Variants in COL12A1 observed in about 807,000 individuals in gnomAD.
COL12A1 encodes the protein collagen type XII alpha 1 chain.
In COL12A1, 114 loss-of-function variants were observed where a neutral mutation model predicts 349.7. The ratio of observed to expected loss-of-function variants is 0.33; its 90% CI spans 0.28 to 0.38. COL12A1 has a LOEUF of 0.38. COL12A1 is among the 10% of genes least tolerant of loss of function. The pLI is 1.00. For synonymous variants in COL12A1, 1,369 were observed against 1,329.0 expected (o/e 1.03, Z -0.66); for missense variants, 3,284 against 3,756.9 (o/e 0.87, Z 3.29).
intron 43 of COL12A1, among the ~76,000 whole-genome samples, chr6:75,122,121 G>A (rs1167677696): frequency 3.3e-5 from 5 of 152,116 alleles, no homozygotes; most frequent in African/African-American, 7.2e-5. Context: ...GATTACAGGC[G>A]TGAGCCACCG....
At chr6:75,142,254 T>A (rs1562210463) in intron 26 of COL12A1, 93 bp from the exon 27 acceptor site, 2 of 1,439,534 alleles carry the variant, frequency 1.4e-6, no homozygotes, top group South Asian at 2.5e-5. Flanking sequence ...CGTAAGAATA[T>A]AAAATTGTGA....
rs192464709 is a variant in COL12A1 at position 75,145,555 on chromosome 6, T to A, written c.4561-100A>T. On this transcript the variant is annotated intron_variant, in intron 24 of 65. Coordinates refer to ENST00000322507, the MANE Select transcript of COL12A1 (RefSeq NM_004370.6). ...GAAGTTTATTTGTACTAGATTATAA[T>A]ACAGCTTGTATTTTTCATTTATAAG... 8 of 1,156,706 alleles carry A rather than the reference T, an allele frequency of 6.9e-6. No homozygotes were observed. The East Asian group carries it at 2.1e-4, about 31-fold the overall frequency. 71.7% of individuals were successfully genotyped at this position (1,156,706 alleles called of 1,614,324 possible).
At chr6:75,123,837 A>G (rs1765870164) in intron 42 of COL12A1, 111 bp downstream of exon 42, 1 of 1,135,556 alleles carries the variant, frequency 8.8e-7, no homozygotes, top group East Asian at 2.5e-5. Context: ...TCCCATCATT[A>G]TTGCTACCCC....
In COL12A1 at chr6:75,147,559, A is replaced by G. The variant is rs897432010; in HGVS notation, c.4417+116T>C. On this transcript the variant is annotated intron_variant, in intron 23 of 65. Coordinates refer to ENST00000322507, the MANE Select transcript of COL12A1 (RefSeq NM_004370.6). The stretch of plus-strand genomic sequence containing the variant: ...CCTGCACAAAGATGACACTCAGTAA[A>G]TATTTATAGAATGAATGTTAAATAA... 9.6e-6 allele frequency: 10 copies of G among 1,043,452 alleles called. No homozygotes were observed. The East Asian group carries it at 1.8e-4, about 19-fold the overall frequency. 64.6% of individuals were successfully genotyped at this position (1,043,452 alleles called of 1,614,324 possible).
chr6:75,106,905 T>C lies in COL12A1; in HGVS notation c.8101-409A>G, dbSNP rs112649872. Among the ~76,000 whole-genome samples the C allele has an allele frequency of 7.5e-3, 1,070 of 141,986 alleles. 8 individuals carry two copies. Among genetic ancestry groups the C allele is most frequent in the African/African-American group, 0.026 (997 of 38,236 alleles). The allele number at this position is 141,986 out of a possible 152,430, so 93.1% of individuals were successfully genotyped here. The stretch of plus-strand genomic sequence containing the variant: ...TTTTTTCTTTTTTCTTTTTCTTTTT[T>C]TTTTTTTTTTTTTTGAGACAGAGTC... On this transcript the variant is annotated intron_variant, in intron 52 of 65. Coordinates refer to ENST00000322507, the MANE Select transcript of COL12A1 (RefSeq NM_004370.6).
chr6:75,151,625 A>G (rs1767489069), intron 20 of COL12A1, among the ~76,000 whole-genome samples: 1 of 152,160 alleles, frequency 6.6e-6, no homozygotes, highest in East Asian at 1.9e-4. Flanking sequence ...AGTTTTTATG[A>G]ATCCTATTAA....
chr6:75,205,582 C>T (rs1770739465), intron 1 of COL12A1, among the ~76,000 whole-genome samples, 195 bp downstream of exon 1: 1 of 152,160 alleles, frequency 6.6e-6, no homozygotes, highest in African/African-American at 2.4e-5. Context: ...ATTCCCCTCT[C>T]CCTCAAAAAC....
At chr6:75,114,242 G>A (rs1277796201) in intron 49 of COL12A1, among the ~76,000 whole-genome samples, 3 of 151,686 alleles carry the variant, frequency 2.0e-5, no homozygotes, top group African/African-American at 7.3e-5. Flanking sequence ...CTCCCTATCA[G>A]TAATACTTTT....
At position 75,175,146 on chromosome 6, in the gene COL12A1, T is replaced by C; in HGVS notation, c.2602A>G (p.Thr868Ala). The stretch of plus-strand genomic sequence containing the variant: ...CCTTCCTTCAATCCCTGCAGCACCG[T>C]ATTGGTTGTATCTCCCCTCACAGTG... ...EVTVRGDTTN[T>A]VLQGLKEGTQ... Residue 868 changes from threonine to alanine, a missense_variant, in exon 13 of 66, where the codon ACG (threonine) becomes GCG (alanine). By Grantham distance (58) the Thr-to-Ala change is moderately conservative. This residue lies in a region of COL12A1 where 2,601 missense variants were observed against 2,824.8 expected (regional missense o/e 0.92). Transcript: ENST00000322507. The C allele has an allele frequency of 6.2e-7, 1 of 1,614,074 alleles. No homozygotes were observed. Among genetic ancestry groups the C allele is most frequent in the Non-Finnish European group, 8.5e-7 (1 of 1,180,002 alleles).
rs1010165447 is a variant in COL12A1 at position 75,084,889 on chromosome 6, G to A, written c.*1658C>T. The A allele has an allele frequency of 1.0e-5, 2 of 195,280 alleles. No homozygotes were observed. Among genetic ancestry groups the A allele is most frequent in the Admixed American group, 1.0e-4 (2 of 19,400 alleles). 12.1% of individuals were successfully genotyped at this position (195,280 alleles called of 1,614,324 possible). A position where few individuals can be genotyped will look rare whatever the true frequency, so the allele number is the denominator to read the frequency against. ...TCCAGGACTTAACTGCTTAACCTAA[G>A]AGTTTCACTGAGGCTGCCCGCTGTG... On this transcript the variant is annotated 3_prime_UTR_variant, in exon 66 of 66. Transcript: ENST00000322507.
chr6:75,121,621 A>G (rs541048171), intron 43 of COL12A1, among the ~76,000 whole-genome samples, 180 bp from the exon 44 acceptor site: 3 of 152,244 alleles, frequency 2.0e-5, no homozygotes, highest in African/African-American at 7.2e-5. Flanking sequence ...GACTTCCTGA[A>G]TCAGTACCAG....
At chr6:75,138,363 A>G in intron 29 of COL12A1, 23 bp from the exon 30 acceptor site, 1 of 1,610,618 alleles carries the variant, frequency 6.2e-7, no homozygotes. Context: ...AGAATTTGGG[A>G]ACACATTACT....
In COL12A1 at chr6:75,138,508, T is replaced by C; in HGVS notation, c.5170A>G (p.Ile1724Val). The part of the protein sequence containing the change: ...LNPNTIYEVS[I>V]TAIYPDESES... Reference sequence around the variant, plus strand: ...GACTCATCAGGATAGATGGCAGTAATGGAAACTTCATAGATGGTGTTGGGG... The same window carrying C: ...GACTCATCAGGATAGATGGCAGTAACGGAAACTTCATAGATGGTGTTGGGG... Residue 1724 changes from isoleucine to valine, a missense_variant, in exon 29 of 66, where the codon ATT (isoleucine) becomes GTT (valine). Transcript: ENST00000322507. The C allele has an allele frequency of 6.2e-7, 1 of 1,614,108 alleles. No homozygotes were observed. Among genetic ancestry groups the C allele is most frequent in the East Asian group, 2.2e-5 (1 of 44,862 alleles).
Position 75,117,549 on chromosome 6 carries a change from G to T in COL12A1, c.7355-3C>A. The T allele has an allele frequency of 6.2e-7, 1 of 1,610,722 alleles. No homozygotes were observed. Among genetic ancestry groups the T allele is most frequent in the Non-Finnish European group, 8.5e-7 (1 of 1,177,528 alleles). ...ACCAACTACAAAGACACTGAACCCT[G>T]CAAAGTAGCATTTATAGAATGAATC... On this transcript the variant is annotated splice_region_variant and splice_polypyrimidine_tract_variant and intron_variant, in intron 46 of 65. Coordinates refer to ENST00000322507, the MANE Select transcript of COL12A1 (RefSeq NM_004370.6).
rs559429927 is a variant in COL12A1 at position 75,157,135 on chromosome 6, T to C, written c.2984-612A>G. Reference sequence around the variant, plus strand: ...CTGTAAATAGTGTTTGCTTAATATGTAATCAATAATATGTAATTATTAAAT... The same window carrying C: ...CTGTAAATAGTGTTTGCTTAATATGCAATCAATAATATGTAATTATTAAAT... On this transcript the variant is annotated intron_variant, in intron 14 of 65. Transcript: ENST00000322507. 8.5e-5 allele frequency among the ~76,000 whole-genome samples: 13 copies of C among 152,292 alleles called. 2 individuals carry two copies. In the South Asian group the frequency reaches 2.7e-3, roughly 32 times the overall value.
Position 75,138,878 on chromosome 6 carries a change from C to T in COL12A1, c.5041G>A (p.Asp1681Asn). The T allele has an allele frequency of 3.1e-6, 5 of 1,614,124 alleles. No individual in the cohort carries two copies. Among genetic ancestry groups the T allele is most frequent in the Non-Finnish European group, 4.2e-6 (5 of 1,179,970 alleles). ...FRGTWDHGAS[D>N]VSLYRITWAP... ...CAAGTTATTCTGTAGAGAGACACAT[C>T]TGAAGCTCCATGATCCCAAGTCCCT... Residue 1681 changes from aspartate (D) to asparagine (N), a missense_variant, in exon 28 of 66, where the codon GAT (aspartate) becomes AAT (asparagine). Transcript: ENST00000322507.
intron 15 of COL12A1, 137 bp from the exon 16 acceptor site, chr6:75,155,991 G>A: frequency 2.0e-6 from 2 of 978,616 alleles, no homozygotes; most frequent in Non-Finnish European, 2.9e-6. Flanking sequence ...TTCCATAGAA[G>A]TCCAGATAAC....
At position 75,174,888 on chromosome 6, in the gene COL12A1, A is replaced by G. The variant is rs896391591; in HGVS notation, c.2710+150T>C. On this transcript the variant is annotated intron_variant, in intron 13 of 65. Transcript: ENST00000322507. ...CATTCTACATCTCTGAATAACAGAG[A>G]GCTTTATGGTTATTTGTTTTTCAAT... 2.7e-5 allele frequency: 25 copies of G among 915,222 alleles called. No homozygotes were observed. In the African/African-American group the frequency reaches 4.2e-4, roughly 15 times the overall value. 56.7% of individuals were successfully genotyped at this position (915,222 alleles called of 1,614,324 possible). A position where few individuals can be genotyped will look rare whatever the true frequency, so the allele number is the denominator to read the frequency against.
At position 75,125,128 on chromosome 6, in the gene COL12A1, T is replaced by A; in HGVS notation, c.6606A>T (p.Thr2202=). ...LSVPLTDQGT[T]LYLNVTDLKT... ...ACCATGAAAATATCCATGACTCACA[T>A]GTAGTGCCTTGATCTGTCAAGGGGA... Residue 2202 remains threonine (T), a splice_region_variant and synonymous_variant, in exon 40 of 66, where the codon ACA becomes ACT. Coordinates refer to ENST00000322507, the MANE Select transcript of COL12A1 (RefSeq NM_004370.6). 1 of 1,593,652 alleles carries A rather than the reference T, an allele frequency of 6.3e-7. No individual in the cohort carries two copies. Among genetic ancestry groups the A allele is most frequent in the East Asian group, 2.3e-5 (1 of 44,160 alleles).
Sources: gnomAD v4.1 joint callset for allele counts (sites outside exome capture counted in the v4.1 genomes callset) on GRCh38, gnomAD v4.1.1 for gene constraint, gnomAD v4.1.1 regional missense constraint, MANE v1.5 for transcripts, NCBI Gene and HGNC (gene_info 2026-07-23, HGNC 2026-07-21) for gene names.